The following ZNF280D variants were observed in gnomAD, a reference collection of about 807,000 sequenced individuals.
The protein encoded by ZNF280D is zinc finger protein 280D, also known as suppressor of hairy wing homolog 4.
Under a neutral mutation model 94.7 loss-of-function variants are expected in ZNF280D, and 39 were observed. The ratio of observed to expected loss-of-function variants is 0.41; its 90% CI spans 0.32 to 0.54. The LOEUF is 0.54. Among genes scored for constraint, ZNF280D ranks in the 20% least tolerant of loss-of-function variants. ZNF280D has a pLI of 0.22. For synonymous variants in ZNF280D, 398 were observed against 377.6 expected, an observed-to-expected ratio of 1.05 and a Z score of -0.63; for missense variants, 1,090 against 1,149.3, an observed-to-expected ratio of 0.95 and a Z score of 0.75.
chr15:56,666,615 A>C, intron 15 of ZNF280D, 64 bp downstream of exon 15: 1 of 1,515,662 alleles, frequency 6.6e-7, no homozygotes, highest in Non-Finnish European at 8.8e-7. Flanking sequence ...ATGTTCTCTT[A>C]ACTAAAGTAT....
chr15:56,654,520 TAAAA>T lies in ZNF280D; in HGVS notation c.2058-21_2058-18del, dbSNP rs1217172707. 1.3e-6 allele frequency: 2 copies of T among 1,551,682 alleles called. No homozygotes were observed. The highest frequency in any genetic ancestry group is 1.7e-6 in the Non-Finnish European group (2 of 1,153,230). On this transcript the variant is annotated intron_variant, in intron 17 of 21. Transcript: ENST00000267807. ...GTAATGCCCCTAAAAAAAAAAGCAT[TAAAA>T]AAAGATTTTTATCTTTTATGAAAAT...
intron 9 of ZNF280D, among the ~76,000 whole-genome samples, chr15:56,687,970 C>T (rs145181056): frequency 6.6e-6 from 1 of 152,210 alleles, no homozygotes; most frequent in African/African-American, 2.4e-5. Context: ...TCCTAAGTTA[C>T]TTCTTTGCCA....
At chr15:56,665,389 C>A (rs771416661) in intron 16 of ZNF280D, among the ~76,000 whole-genome samples, 3 of 151,992 alleles carry the variant, frequency 2.0e-5, no homozygotes, top group Non-Finnish European at 2.9e-5. Context: ...ATAAAGTATT[C>A]CCCTAATGAG....
At chr15:56,689,541 T>C in intron 7 of ZNF280D, 71 bp from the exon 8 acceptor site, 2 of 977,550 alleles carry the variant, frequency 2.0e-6, no homozygotes, top group Non-Finnish European at 2.8e-6. Flanking sequence ...AGTAAAAATA[T>C]TTTGGAGCTA....
intron 3 of ZNF280D, among the ~76,000 whole-genome samples, chr15:56,706,147 C>T (rs1211903720): frequency 7.5e-6 from 1 of 133,160 alleles, no homozygotes; most frequent in Non-Finnish European, 1.6e-5. Flanking sequence ...AGGACACAGA[C>T]ACAAGCAGAA....
At chr15:56,685,974 G>C (rs940404881) in intron 9 of ZNF280D, among the ~76,000 whole-genome samples, 1 of 152,108 alleles carries the variant, frequency 6.6e-6, no homozygotes, top group African/African-American at 2.4e-5. Flanking sequence ...AAGTAATTCA[G>C]AAGAGTTGAA....
chr15:56,633,985 T>C (rs1182520938), intron 21 of ZNF280D: 2 of 152,162 alleles, frequency 1.3e-5, no homozygotes, highest in African/African-American at 4.8e-5. Context: ...AATTTTGCTT[T>C]TCTTCATCTG....
chr15:56,670,598 G>A lies in ZNF280D; in HGVS notation c.1411-1641C>T, dbSNP rs2054795526. Among the ~76,000 whole-genome samples, 8 of 151,986 alleles carry A rather than the reference G, an allele frequency of 5.3e-5. No homozygotes were observed. In the South Asian group the frequency reaches 1.7e-3, roughly 31 times the overall value. On this transcript the variant is annotated intron_variant, in intron 13 of 21. Coordinates refer to ENST00000267807, the MANE Select transcript of ZNF280D (RefSeq NM_017661.4). ...TTTTCATCCAGTCCACCACTGATGG[G>A]CATCTAGGCTGATTGCATGTCTTTG...
intron 6 of ZNF280D, chr15:56,698,867 A>C (rs2056900141): frequency 6.6e-6 from 1 of 152,188 alleles, no homozygotes; most frequent in Non-Finnish European, 1.5e-5. Flanking sequence ...GAATGCTACC[A>C]ACAACCATGT....
intron 1 of ZNF280D, among the ~76,000 whole-genome samples, chr15:56,723,785 T>C (rs570489928): frequency 6.6e-6 from 1 of 152,218 alleles, no homozygotes. Context: ...CTTTATAAGA[T>C]TCACTTTATA....
chr15:56,723,855 G>A lies in ZNF280D; in HGVS notation c.-86+9603C>T, dbSNP rs573249700. Among the ~76,000 whole-genome samples the A allele has an allele frequency of 2.4e-4, 37 of 152,026 alleles. 1 individual carries two copies. The East Asian group carries it at 7.2e-3, about 29-fold the overall frequency. The stretch of plus-strand genomic sequence containing the variant: ...AAACCCATCATTAGCTGAAAATATC[G>A]TAAGTTGAAAATGCATTCAATACAC... On this transcript the variant is annotated intron_variant, in intron 1 of 21. Coordinates refer to ENST00000267807, the MANE Select transcript of ZNF280D (RefSeq NM_017661.4).
At chr15:56,656,203 C>T (rs1032150685) in intron 17 of ZNF280D, among the ~76,000 whole-genome samples, 2 of 152,314 alleles carry the variant, frequency 1.3e-5, no homozygotes, top group East Asian at 3.9e-4. Context: ...GTCATCTTTA[C>T]AGGACCTGCT....
intron 10 of ZNF280D, among the ~76,000 whole-genome samples, chr15:56,679,150 C>T (rs781095967): frequency 1.3e-5 from 2 of 151,936 alleles, no homozygotes; most frequent in Admixed American, 6.5e-5. Context: ...TACTTGAAAT[C>T]CTATTTACAT....
chr15:56,725,874 CAAACACAAAGAA>C (rs2058606554), intron 1 of ZNF280D, among the ~76,000 whole-genome samples: 1 of 151,302 alleles, frequency 6.6e-6, no homozygotes, highest in Non-Finnish European at 1.5e-5. Context: ...ATTGTGTTTA[CAAACACAAAGAA>C]ACAAGGCATA....
chr15:56,666,136 A>G (rs1335158642), intron 16 of ZNF280D, among the ~76,000 whole-genome samples: 1 of 152,214 alleles, frequency 6.6e-6, no homozygotes, highest in Non-Finnish European at 1.5e-5. Context: ...ATCTCAAAAA[A>G]ATAAAAAAGA....
At chr15:56,726,495 A>AT (rs1356260919) in intron 1 of ZNF280D, among the ~76,000 whole-genome samples, 1 of 152,204 alleles carries the variant, frequency 6.6e-6, no homozygotes, top group African/African-American at 2.4e-5. Flanking sequence ...ATGTGGGTCT[A>AT]TAACAGAATC....
chr15:56,637,093 C>G lies in ZNF280D; in HGVS notation c.2260-1843G>C, dbSNP rs528188108. Among the ~76,000 whole-genome samples the G allele has an allele frequency of 5.3e-5, 8 of 152,252 alleles. No homozygotes were observed. The East Asian group carries it at 1.5e-3, about 29-fold the overall frequency. ...ACAGCCAGAGAACTCACTCCCCAAC[C>G]TAGCACTCTCAGCTAGAAGCTAGAT... On this transcript the variant is annotated intron_variant, in intron 20 of 21. Transcript: ENST00000267807.
intron 1 of ZNF280D, among the ~76,000 whole-genome samples, chr15:56,707,850 A>G (rs74431752): frequency 6.6e-6 from 1 of 151,926 alleles, no homozygotes; most frequent in Non-Finnish European, 1.5e-5. Context: ...AGGGGAAAAC[A>G]AAAATGAGTA....
At chr15:56,726,212 T>TAAA (rs34490275) in intron 1 of ZNF280D, among the ~76,000 whole-genome samples, 1 of 147,768 alleles carries the variant, frequency 6.8e-6, no homozygotes. Context: ...TACAACAGGC[T>TAAA]AAAAAAAAAA....
Sources: gnomAD v4.1 joint callset for allele counts (sites outside exome capture counted in the v4.1 genomes callset) on GRCh38, gnomAD v4.1.1 for gene constraint, MANE v1.5 for transcripts, NCBI Gene and HGNC (gene_info 2026-07-23, HGNC 2026-07-21) for gene names.